The following CDH4 variants were observed in gnomAD, a reference collection of about 807,000 sequenced individuals.
CDH4 encodes the protein cadherin-4.
In CDH4, 33 loss-of-function variants were observed where a neutral mutation model predicts 86.0. The observed-to-expected ratio is 0.38, with a 90% CI of 0.29 to 0.51. The LOEUF (loss-of-function observed/expected upper bound fraction) is 0.51. CDH4 is among the 20% of genes least tolerant of loss of function. CDH4 has a pLI of 0.86. For synonymous variants in CDH4, 555 were observed against 549.4 expected (o/e 1.01, Z -0.14); for missense variants, 1,114 against 1,307.4 (o/e 0.85, Z 2.28).
intron 7 of CDH4, among the ~76,000 whole-genome samples, chr20:61,886,388 TG>T (rs1039780235): frequency 5.3e-5 from 8 of 152,090 alleles, no homozygotes; most frequent in African/African-American, 1.9e-4. Context: ...TATGGGGAGG[TG>T]AGCAAAAACC....
intron 7 of CDH4, among the ~76,000 whole-genome samples, chr20:61,893,783 G>T (rs1334788998): frequency 5.6e-4 from 42 of 74,700 alleles, no homozygotes; most frequent in East Asian, 1.6e-3. Flanking sequence ...ATGGTGGATG[G>T]GTGGGTGAGT....
intron 7 of CDH4, among the ~76,000 whole-genome samples, chr20:61,884,539 G>C (rs1984446725): frequency 6.6e-6 from 1 of 152,100 alleles, no homozygotes; most frequent in Non-Finnish European, 1.5e-5. Context: ...CCGTGCCCCT[G>C]AGCAGGGGTG....
chr20:61,394,305 G>A (rs887263485), intron 2 of CDH4, among the ~76,000 whole-genome samples: 1 of 152,038 alleles, frequency 6.6e-6, no homozygotes. Flanking sequence ...GGACTCTCCC[G>A]CCCCTGCCTG....
intron 7 of CDH4, among the ~76,000 whole-genome samples, chr20:61,883,945 C>A (rs1447282962): frequency 6.6e-6 from 1 of 152,172 alleles, no homozygotes; most frequent in African/African-American, 2.4e-5. Flanking sequence ...CACCCCCCAA[C>A]CCCCGTGTGG....
chr20:61,933,528 A>G (rs997029373), intron 14 of CDH4, among the ~76,000 whole-genome samples: 1 of 152,202 alleles, frequency 6.6e-6, no homozygotes, highest in African/African-American at 2.4e-5. Flanking sequence ...GGTGGTTGGA[A>G]TCTGAGTCTA....
intron 2 of CDH4, among the ~76,000 whole-genome samples, chr20:61,456,449 G>A (rs1043822445): frequency 2.0e-5 from 3 of 152,202 alleles, no homozygotes; most frequent in Admixed American, 2.0e-4. Flanking sequence ...TCACAAAGCA[G>A]GGGAGTGTGA....
At chr20:61,884,827 T>C (rs1241542752) in intron 7 of CDH4, among the ~76,000 whole-genome samples, 2 of 151,930 alleles carry the variant, frequency 1.3e-5, no homozygotes, top group Non-Finnish European at 2.9e-5. Flanking sequence ...GAGAGAGCCC[T>C]GGGGTGGGGG....
chr20:61,351,188 C>T (rs2084710012), intron 2 of CDH4, among the ~76,000 whole-genome samples: 1 of 152,154 alleles, frequency 6.6e-6, no homozygotes, highest in Non-Finnish European at 1.5e-5. Flanking sequence ...ATCAACCAAC[C>T]ACAGATCAGA....
rs546756471 is a variant in CDH4, at chr20:61,901,071, C to G, written c.1188+6024C>G. Among the ~76,000 whole-genome samples, 8 of 152,324 alleles carry G rather than the reference C, an allele frequency of 5.3e-5. No homozygotes were observed. The South Asian group carries it at 1.5e-3, about 28-fold the overall frequency. ...TCCAATCCCGGGTAAGAAGATGGGTCAACCTCTCTGTCCTTTCTGGGAAGG... is the reference window on the plus strand; with the variant it reads ...TCCAATCCCGGGTAAGAAGATGGGTGAACCTCTCTGTCCTTTCTGGGAAGG... On this transcript the variant is annotated intron_variant, in intron 8 of 15. Coordinates refer to ENST00000614565, the MANE Select transcript of CDH4 (RefSeq NM_001794.5).
chr20:61,762,251 A>T (rs372257048), intron 3 of CDH4, among the ~76,000 whole-genome samples: 1 of 152,206 alleles, frequency 6.6e-6, no homozygotes, highest in East Asian at 1.9e-4. Context: ...ACAGAATGAA[A>T]TCCACAAGTT....
intron 4 of CDH4, among the ~76,000 whole-genome samples, chr20:61,836,380 T>A (rs557324415): frequency 4.3e-4 from 66 of 152,344 alleles, no homozygotes; most frequent in African/African-American, 1.4e-3. Flanking sequence ...ACCGGGCAGA[T>A]CTGTGAGAAC....
chr20:61,587,465 A>C (rs1227191003), intron 2 of CDH4, among the ~76,000 whole-genome samples: 1 of 152,176 alleles, frequency 6.6e-6, no homozygotes, highest in East Asian at 1.9e-4. Context: ...ATTGAATCTG[A>C]GGCCTGGGTC....
At chr20:61,806,392 G>T (rs1169166097) in intron 4 of CDH4, among the ~76,000 whole-genome samples, 1 of 152,334 alleles carries the variant, frequency 6.6e-6, no homozygotes, top group East Asian at 1.9e-4. Context: ...AACACACGGG[G>T]AGGACCGTCC....
chr20:61,869,022 G>A (rs565891546), intron 6 of CDH4, among the ~76,000 whole-genome samples: 1 of 152,236 alleles, frequency 6.6e-6, no homozygotes, highest in African/African-American at 2.4e-5. Flanking sequence ...TGGCAAACGT[G>A]GCAAGTGCCT....
chr20:61,726,287 T>C (rs2088110455), intron 2 of CDH4, among the ~76,000 whole-genome samples: 1 of 152,112 alleles, frequency 6.6e-6, no homozygotes, highest in Non-Finnish European at 1.5e-5. Context: ...TGCCTCATGG[T>C]GGAGTGAGTT....
chr20:61,789,060 G>A (rs746733803), intron 4 of CDH4, among the ~76,000 whole-genome samples: 11 of 152,152 alleles, frequency 7.2e-5, no homozygotes, highest in Admixed American at 3.3e-4. Context: ...TGTTTTGCTC[G>A]GGCAGAAAGT....
At chr20:61,447,169 G>C (rs967144557) in intron 2 of CDH4, among the ~76,000 whole-genome samples, 7 of 151,832 alleles carry the variant, frequency 4.6e-5, no homozygotes, top group African/African-American at 1.7e-4. Flanking sequence ...TTGCTTGTTT[G>C]TTTTTGAGAC....
At chr20:61,664,835 T>G (rs1206178097) in intron 2 of CDH4, among the ~76,000 whole-genome samples, 1 of 152,254 alleles carries the variant, frequency 6.6e-6, no homozygotes, top group Non-Finnish European at 1.5e-5. Context: ...GTTGCTCTAA[T>G]GTGGCGTCTT....
intron 2 of CDH4, among the ~76,000 whole-genome samples, chr20:61,442,005 T>A (rs1234773735): frequency 2.6e-5 from 4 of 152,294 alleles, no homozygotes; most frequent in Non-Finnish European, 2.9e-5. Context: ...ATCGTTTGTA[T>A]CAGCATATTC....
Sources: gnomAD v4.1 joint callset for allele counts (sites outside exome capture counted in the v4.1 genomes callset) on GRCh38, gnomAD v4.1.1 for gene constraint, MANE v1.5 for transcripts, NCBI Gene and HGNC (gene_info 2026-07-23, HGNC 2026-07-21) for gene names.